The following FRY variants were observed in gnomAD, a reference collection of about 807,000 sequenced individuals.
FRY encodes the protein protein furry homolog.
A neutral mutation model predicts 348.4 loss-of-function variants in FRY; 128 were observed. The ratio of observed to expected loss-of-function variants is 0.37; its 90% confidence interval spans 0.32 to 0.43. FRY has a LOEUF of 0.43. Ranked by LOEUF, FRY falls within the 20% of genes least tolerant of loss-of-function variation. The pLI, the probability that FRY is intolerant of heterozygous loss-of-function variation, is 1.00. For synonymous variants in FRY, 1,370 were observed against 1,374.7 expected, an observed-to-expected ratio of 1.00 and a Z score of 0.08; for missense variants, 2,736 against 3,695.2, an observed-to-expected ratio of 0.74 and a Z score of 6.73.
At chr13:32,116,390 C>T (rs1390089095) in intron 3 of FRY, among the ~76,000 whole-genome samples, 4 of 152,186 alleles carry the variant, frequency 2.6e-5, no homozygotes, top group Admixed American at 2.0e-4. Context: ...ACATGTGTTT[C>T]GCAAATATTT....
chr13:32,092,555 G>C (rs1435652846), intron 2 of FRY, among the ~76,000 whole-genome samples: 1 of 152,178 alleles, frequency 6.6e-6, no homozygotes, highest in Non-Finnish European at 1.5e-5. Context: ...GCTGAGAGTA[G>C]GGAAGATTGG....
At chr13:32,224,892 C>A in intron 37 of FRY, 41 bp from the exon 38 acceptor site, 1 of 1,123,574 alleles carries the variant, frequency 8.9e-7, no homozygotes, top group Non-Finnish European at 1.4e-6. Context: ...TATTTCCATC[C>A]CCTTCAGAAG....
chr13:32,283,771 CT>C (rs1480482548), intron 58 of FRY, among the ~76,000 whole-genome samples: 1 of 152,172 alleles, frequency 6.6e-6, no homozygotes, highest in Non-Finnish European at 1.5e-5. Context: ...ATGTGATTTG[CT>C]TGTGTCATAA....
intron 19 of FRY, 97 bp from the exon 20 acceptor site, chr13:32,175,449 T>C: frequency 1.2e-6 from 1 of 807,182 alleles, no homozygotes; most frequent in South Asian, 1.3e-5. Flanking sequence ...TATCACTATC[T>C]CACAAGCTGT....
Position 32,169,861 on chromosome 13 carries a change from ATAT to A in FRY, c.1893-1146_1893-1144del, listed in dbSNP as rs1339994250. On this transcript the variant is annotated intron_variant, in intron 17 of 60. Transcript: ENST00000542859. ...TCCATCCTACCAATGTCAAGATTTA[ATAT>A]TATTGTGTTGTTCTAGATTAAACCA... 2.6e-5 allele frequency among the ~76,000 whole-genome samples: 4 copies of A among 152,204 alleles called. No individual in the cohort carries two copies. In the South Asian group the frequency reaches 8.3e-4, roughly 32 times the overall value.
chr13:32,066,045 G>A lies in FRY; in HGVS notation c.71-12789G>A, dbSNP rs112646490. 4.0e-3 allele frequency among the ~76,000 whole-genome samples: 607 copies of A among 152,180 alleles called. 3 individuals are homozygous for A. The highest frequency in any genetic ancestry group is 0.014 in the African/African-American group (575 of 41,512). ...ATTATCACATCTAATAAAATTGACC[G>A]TAATTCTTTGCTATCACCTAATATC... On this transcript the variant is annotated intron_variant, in intron 1 of 60. Coordinates refer to ENST00000542859, the MANE Select transcript of FRY (RefSeq NM_023037.3).
intron 14 of FRY, among the ~76,000 whole-genome samples, chr13:32,150,995 G>A (rs150503784): frequency 0.02 from 3,086 of 152,310 alleles, 43 homozygotes; most frequent in Non-Finnish European, 0.031. Context: ...CAATGGGAGG[G>A]GGCAGGGCCA....
chr13:32,193,779 G>A (rs543690874), intron 28 of FRY, among the ~76,000 whole-genome samples: 34 of 151,332 alleles, frequency 2.2e-4, no homozygotes, highest in African/African-American at 7.5e-4. Flanking sequence ...GTAGAGACAG[G>A]GTTTCACCAT....
At chr13:32,034,862 G>A (rs948517841) in intron 1 of FRY, among the ~76,000 whole-genome samples, 1 of 152,096 alleles carries the variant, frequency 6.6e-6, no homozygotes, top group Non-Finnish European at 1.5e-5. Flanking sequence ...CCAAATTCAT[G>A]CCTGTACACC....
intron 1 of FRY, among the ~76,000 whole-genome samples, chr13:32,053,485 C>T (rs1242302827): frequency 6.6e-6 from 1 of 152,198 alleles, no homozygotes; most frequent in Admixed American, 6.5e-5. Flanking sequence ...TTTATGTATA[C>T]ACCTGACTTC....
chr13:32,135,721 G>A (rs1439384631), intron 10 of FRY, among the ~76,000 whole-genome samples: 1 of 152,146 alleles, frequency 6.6e-6, no homozygotes, highest in Non-Finnish European at 1.5e-5. Flanking sequence ...CCTTTTACCC[G>A]CTATGGTGAA....
At chr13:32,287,256 G>A (rs1049616883) in intron 58 of FRY, among the ~76,000 whole-genome samples, 38 of 151,986 alleles carry the variant, frequency 2.5e-4, no homozygotes, top group Non-Finnish European at 1.2e-4. Flanking sequence ...TCTCACACTT[G>A]TTTGAGGGCA....
chr13:32,201,602 T>G (rs1884033277), intron 29 of FRY, among the ~76,000 whole-genome samples: 1 of 143,174 alleles, frequency 7.0e-6, no homozygotes. Flanking sequence ...TTTCTGTCTT[T>G]TTCACTTGTT....
chr13:32,081,111 C>T (rs1006460073), intron 2 of FRY, among the ~76,000 whole-genome samples: 1 of 152,022 alleles, frequency 6.6e-6, no homozygotes, highest in Non-Finnish European at 1.5e-5. Context: ...TGTACATGTG[C>T]CATAGCATTC....
intron 58 of FRY, among the ~76,000 whole-genome samples, chr13:32,282,502 T>G (rs1888858776): frequency 6.6e-6 from 1 of 152,218 alleles, no homozygotes; most frequent in Non-Finnish European, 1.5e-5. Context: ...AAGATATCAG[T>G]CTGTCAGAGA....
At chr13:32,172,146 G>A (rs1392502255) in intron 18 of FRY, among the ~76,000 whole-genome samples, 1 of 151,842 alleles carries the variant, frequency 6.6e-6, no homozygotes, top group African/African-American at 2.4e-5. Flanking sequence ...GGATATAGAT[G>A]TGGATGTGGA....
intron 17 of FRY, among the ~76,000 whole-genome samples, chr13:32,169,072 C>G (rs1350515973): frequency 1.3e-5 from 2 of 152,148 alleles, no homozygotes; most frequent in African/African-American, 4.8e-5. Context: ...TATGGGAGCC[C>G]CCATTGACTC....
intron 4 of FRY, among the ~76,000 whole-genome samples, chr13:32,122,572 C>T (rs945731746): frequency 6.6e-6 from 1 of 152,078 alleles, no homozygotes; most frequent in Non-Finnish European, 1.5e-5. Context: ...AAACCCACAG[C>T]CAACATAATA....
At chr13:32,092,798 C>T (rs894987565) in intron 2 of FRY, among the ~76,000 whole-genome samples, 2 of 152,160 alleles carry the variant, frequency 1.3e-5, no homozygotes, top group African/African-American at 4.8e-5. Flanking sequence ...CAAATCCAGT[C>T]TGCAAATGGG....
Sources: allele counts gnomAD v4.1 joint callset (sites outside exome capture counted in the v4.1 genomes callset), GRCh38; gene constraint gnomAD v4.1.1; transcripts MANE v1.5; gene names NCBI Gene and HGNC (gene_info 2026-07-23, HGNC 2026-07-21).